The following THRB variants were observed in gnomAD, a reference collection of about 807,000 sequenced individuals.
THRB encodes the protein thyroid hormone receptor beta.
In THRB, 12 loss-of-function variants were observed where a neutral mutation model predicts 47.8. That is an observed-to-expected ratio of 0.25 (90% CI 0.16 to 0.41). THRB has a LOEUF of 0.41. THRB is among the 10% of genes least tolerant of loss of function. The pLI, the probability that THRB is intolerant of heterozygous loss-of-function variation, is 1.00. For missense variants in THRB, 348 were observed against 589.2 expected (o/e 0.59, Z 4.24); for synonymous variants, 218 against 212.2 (o/e 1.03, Z -0.24).
At chr3:24,264,294 T>C (rs1251509248) in intron 3 of THRB, among the ~76,000 whole-genome samples, 1 of 152,156 alleles carries the variant, frequency 6.6e-6, no homozygotes, top group Non-Finnish European at 1.5e-5. Flanking sequence ...GACAAATTTC[T>C]AAATGACACA....
chr3:24,161,384 C>A (rs2038790458), intron 5 of THRB, among the ~76,000 whole-genome samples: 1 of 151,610 alleles, frequency 6.6e-6, no homozygotes, highest in South Asian at 2.1e-4. Context: ...CTGATCACAT[C>A]TGTGTTTAAA....
Position 24,200,799 on chromosome 3 carries a change from A to G in THRB, c.23-10465T>C, listed in dbSNP as rs114071046. On this transcript the variant is annotated intron_variant, in intron 4 of 10. Transcript: ENST00000646209. ...AAGCACTGCCACAGCATGCACAGCT[A>G]TCTTCTTGGTTATAATAGCAGGTGA... is the stretch of plus-strand genomic sequence containing the variant. Among the ~76,000 whole-genome samples, 1,370 of 152,302 alleles carry G rather than the reference A, an allele frequency of 9.0e-3. 17 individuals are homozygous for G. Among genetic ancestry groups the G allele is most frequent in the African/African-American group, 0.032 (1,312 of 41,566 alleles).
chr3:24,162,294 T>A (rs189697685), intron 5 of THRB, among the ~76,000 whole-genome samples: 5 of 152,178 alleles, frequency 3.3e-5, no homozygotes, highest in Admixed American at 3.3e-4. Context: ...TCCATCTGAT[T>A]CCAAACTTAC....
At chr3:24,493,988 C>G (rs1698599226) in intron 1 of THRB, 1 of 152,236 alleles carries the variant, frequency 6.6e-6, no homozygotes. Context: ...TCGAGGAGAC[C>G]CAGAGGAAGA....
chr3:24,459,417 T>C (rs2073489350), intron 1 of THRB: 1 of 152,242 alleles, frequency 6.6e-6, no homozygotes, highest in African/African-American at 2.4e-5. Flanking sequence ...AGTGCTGCAA[T>C]GAACATACCT....
chr3:24,489,927 C>T (rs547835181), intron 1 of THRB, among the ~76,000 whole-genome samples: 6 of 152,156 alleles, frequency 3.9e-5, no homozygotes, highest in Non-Finnish European at 7.3e-5. Context: ...ATATTCAACT[C>T]CCCTACTACT....
chr3:24,380,148 C>A (rs2065592465), intron 1 of THRB, among the ~76,000 whole-genome samples: 1 of 147,304 alleles, frequency 6.8e-6, no homozygotes, highest in Admixed American at 6.9e-5. Flanking sequence ...TGTCCTGGCA[C>A]ACTAGATGTA....
intron 7 of THRB, chr3:24,144,547 A>G (rs915422725): frequency 1.3e-5 from 2 of 152,218 alleles, no homozygotes; most frequent in African/African-American, 2.4e-5. Flanking sequence ...CCTGACTTCT[A>G]TCATTTGGGT....
chr3:24,165,252 C>A, intron 5 of THRB: 1 of 765,010 alleles, frequency 1.3e-6, no homozygotes. Context: ...CCGCTGTAAC[C>A]CGGACTATCT....
chr3:24,235,921 T>A (rs1419268245), intron 3 of THRB, among the ~76,000 whole-genome samples: 1 of 152,038 alleles, frequency 6.6e-6, no homozygotes, highest in African/African-American at 2.4e-5. Context: ...TATTGTGGGG[T>A]GCTGGGTATG....
intron 1 of THRB, among the ~76,000 whole-genome samples, chr3:24,389,621 A>G (rs2066400883): frequency 1.3e-5 from 2 of 152,120 alleles, no homozygotes; most frequent in Non-Finnish European, 2.9e-5. Flanking sequence ...ATGGAATGCA[A>G]AATGTAATTT....
chr3:24,403,459 C>G (rs1478848863), intron 1 of THRB, among the ~76,000 whole-genome samples: 1 of 151,824 alleles, frequency 6.6e-6, no homozygotes, highest in Non-Finnish European at 1.5e-5. Context: ...TGGGGGACTC[C>G]AAGCCTCTTG....
At chr3:24,139,530 G>A (rs1454146836) in intron 8 of THRB, among the ~76,000 whole-genome samples, 1 of 152,038 alleles carries the variant, frequency 6.6e-6, no homozygotes, top group Non-Finnish European at 1.5e-5. Context: ...AACCACAGGT[G>A]AGTATCACCA....
intron 1 of THRB, among the ~76,000 whole-genome samples, chr3:24,390,151 G>A (rs1306234685): frequency 6.6e-6 from 1 of 152,060 alleles, no homozygotes; most frequent in Non-Finnish European, 1.5e-5. Flanking sequence ...CAGAGGAAGG[G>A]GGAAAAAGGC....
intron 3 of THRB, among the ~76,000 whole-genome samples, chr3:24,267,864 A>G (rs2052825644): frequency 6.6e-6 from 1 of 152,184 alleles, no homozygotes; most frequent in Non-Finnish European, 1.5e-5. Flanking sequence ...TACCCATCCC[A>G]ATGGTCCTGA....
chr3:24,455,232 C>G (rs1301418135), intron 1 of THRB: 2 of 148,858 alleles, frequency 1.3e-5, no homozygotes, highest in Admixed American at 6.8e-5. Flanking sequence ...CTCCATTACT[C>G]AGCTCCTAAG....
At chr3:24,200,831 T>C (rs916367023) in intron 4 of THRB, among the ~76,000 whole-genome samples, 1 of 152,246 alleles carries the variant, frequency 6.6e-6, no homozygotes, top group Admixed American at 6.5e-5. Flanking sequence ...GTGAGGTTTT[T>C]ACACTGGTGA....
chr3:24,262,849 A>T (rs992783198), intron 3 of THRB, among the ~76,000 whole-genome samples: 39 of 150,784 alleles, frequency 2.6e-4, no homozygotes, highest in African/African-American at 7.8e-4. Context: ...GGATTTTTTT[A>T]TTTTTTTTTC....
At chr3:24,410,145 T>C (rs185815141) in intron 1 of THRB, among the ~76,000 whole-genome samples, 88 of 151,796 alleles carry the variant, frequency 5.8e-4, no homozygotes, top group African/African-American at 1.9e-3. Context: ...AGAAGAAAAA[T>C]TTAGAAAGCA....
Sources: allele counts gnomAD v4.1 joint callset (sites outside exome capture counted in the v4.1 genomes callset), GRCh38; gene constraint gnomAD v4.1.1; transcripts MANE v1.5; gene names NCBI Gene and HGNC (gene_info 2026-07-23, HGNC 2026-07-21).